The following TRERF1 variants were observed in gnomAD, a reference collection of about 807,000 sequenced individuals.
The protein encoded by TRERF1 is transcriptional-regulating factor 1.
In TRERF1, 27 loss-of-function variants were observed where a neutral mutation model predicts 122.9. The observed-to-expected ratio is 0.22, with a 90% CI of 0.16 to 0.30. TRERF1 has a LOEUF of 0.30. TRERF1 is among the 10% of genes least tolerant of loss of function. The pLI is 1.00. For missense variants in TRERF1, 1,248 were observed against 1,560.3 expected (o/e 0.80, Z 3.37); for synonymous variants, 636 against 641.7 (o/e 0.99, Z 0.13).
chr6:42,323,721 C>T (rs72857647), intron 3 of TRERF1, among the ~76,000 whole-genome samples: 3,189 of 152,244 alleles, frequency 0.021, 44 homozygotes, highest in Middle Eastern at 0.034. Context: ...CAGGAGGCAA[C>T]ATGTCTTAGC....
intron 4 of TRERF1, among the ~76,000 whole-genome samples, chr6:42,278,013 A>G (rs1445237630): frequency 6.6e-6 from 1 of 152,114 alleles, no homozygotes; most frequent in African/African-American, 2.4e-5. Context: ...CTTTGGTTCT[A>G]CTGACTCCAT....
intron 2 of TRERF1, among the ~76,000 whole-genome samples, chr6:42,437,858 G>A (rs960083954): frequency 7.2e-5 from 11 of 152,130 alleles, no homozygotes; most frequent in Admixed American, 4.6e-4. Flanking sequence ...GTTAAAGGGG[G>A]AACAGACCTA....
intron 3 of TRERF1, among the ~76,000 whole-genome samples, chr6:42,312,519 G>A (rs762011494): frequency 2.0e-5 from 3 of 152,132 alleles, no homozygotes; most frequent in Non-Finnish European, 2.9e-5. Flanking sequence ...TCTGATCCTC[G>A]GCATTCCCCT....
chr6:42,235,563 AG>A (rs1335419140), intron 16 of TRERF1, among the ~76,000 whole-genome samples: 1 of 152,232 alleles, frequency 6.6e-6, no homozygotes, highest in Non-Finnish European at 1.5e-5. Flanking sequence ...ATTCTTGAAA[AG>A]TAGTAGCCTC....
chr6:42,394,240 C>T (rs901690110), intron 2 of TRERF1, among the ~76,000 whole-genome samples: 3 of 152,056 alleles, frequency 2.0e-5, no homozygotes, highest in African/African-American at 7.2e-5. Context: ...CAAACTCCAA[C>T]TCTCCCCCCA....
intron 15 of TRERF1, among the ~76,000 whole-genome samples, chr6:42,238,735 T>C (rs930423372): frequency 4.6e-5 from 7 of 151,756 alleles, no homozygotes; most frequent in Non-Finnish European, 8.8e-5. Flanking sequence ...ATACAAATGC[T>C]CAACAACCCA....
intron 2 of TRERF1, among the ~76,000 whole-genome samples, chr6:42,409,893 G>A (rs1284838200): frequency 6.6e-6 from 1 of 152,082 alleles, no homozygotes; most frequent in East Asian, 1.9e-4. Flanking sequence ...CTACATAGGG[G>A]TAAATCCCCC....
Position 42,259,844 on chromosome 6 carries a change from AC to A in TRERF1, c.1885-122del. The A allele has an allele frequency of 1.5e-6, 2 of 1,348,542 alleles. No homozygotes were observed. The highest frequency in any genetic ancestry group is 2.0e-6 in the Non-Finnish European group (2 of 1,003,376). The allele number at this position is 1,348,542 out of a possible 1,614,324, so 83.5% of individuals were successfully genotyped here. ...GAGAGCCCTTCTGCTTGACCCCCCC[AC>A]CCCCAACGCCCCCACATTCTGACCA... is the stretch of plus-strand genomic sequence containing the variant. On this transcript the variant is annotated intron_variant, in intron 8 of 17. Transcript: ENST00000372922. The surrounding 1 kb of genome is among the most constrained non-coding windows in gnomAD (Gnocchi z 4.9).
At chr6:42,416,773 A>G (rs1014317947) in intron 2 of TRERF1, among the ~76,000 whole-genome samples, 1 of 152,146 alleles carries the variant, frequency 6.6e-6, no homozygotes, top group African/African-American at 2.4e-5. Flanking sequence ...ATTTGAAAAC[A>G]TTTACCTGTG....
intron 2 of TRERF1, among the ~76,000 whole-genome samples, chr6:42,363,281 C>T (rs918903105): frequency 7.9e-5 from 12 of 152,200 alleles, no homozygotes; most frequent in Non-Finnish European, 1.8e-4. Flanking sequence ...GAGACCAAGA[C>T]GTTCAACTTC....
At chr6:42,280,572 G>C (rs1782127252) in intron 4 of TRERF1, among the ~76,000 whole-genome samples, 1 of 152,214 alleles carries the variant, frequency 6.6e-6, no homozygotes, top group Admixed American at 6.5e-5. Context: ...TCGGGGTTCA[G>C]CCCAGCCACT....
At position 42,259,825 on chromosome 6, in the gene TRERF1, C is replaced by G; in HGVS notation, c.1885-102G>C. On this transcript the variant is annotated intron_variant, in intron 8 of 17. Transcript: ENST00000372922. The surrounding 1 kb of genome is among the most constrained non-coding windows in gnomAD (Gnocchi z 4.9). ...GCCTTCTACTGTCTAAGCAGAGAGCCCTTCTGCTTGACCCCCCCACCCCCA... is the reference window on the plus strand; with the variant it reads ...GCCTTCTACTGTCTAAGCAGAGAGCGCTTCTGCTTGACCCCCCCACCCCCA... 6.6e-7 allele frequency: 1 copy of G among 1,513,028 alleles called. No homozygotes were observed. Among genetic ancestry groups the G allele is most frequent in the Non-Finnish European group, 8.8e-7 (1 of 1,131,968 alleles). The allele number at this position is 1,513,028 out of a possible 1,614,324, so 93.7% of individuals were successfully genotyped here. A position where few individuals can be genotyped will look rare whatever the true frequency, so the allele number is the denominator to read the frequency against.
chr6:42,380,296 G>A (rs1246283775), intron 2 of TRERF1, among the ~76,000 whole-genome samples: 2 of 152,164 alleles, frequency 1.3e-5, no homozygotes, highest in Admixed American at 6.5e-5. Context: ...TTTCTCTGGG[G>A]GAGATGGAGC....
chr6:42,230,370 A>C (rs993106833), intron 17 of TRERF1, among the ~76,000 whole-genome samples: 1 of 152,140 alleles, frequency 6.6e-6, no homozygotes, highest in South Asian at 2.1e-4. Flanking sequence ...AAAAAAAAAA[A>C]CATTTAATAG....
chr6:42,439,715 C>T (rs1225519392), intron 2 of TRERF1, among the ~76,000 whole-genome samples: 1 of 152,174 alleles, frequency 6.6e-6, no homozygotes. Flanking sequence ...CCAAATCTGC[C>T]CCTGCCTTGT....
At chr6:42,437,060 T>C (rs1474871432) in intron 2 of TRERF1, among the ~76,000 whole-genome samples, 2 of 152,018 alleles carry the variant, frequency 1.3e-5, no homozygotes, top group African/African-American at 4.8e-5. Context: ...TCATCTTGCT[T>C]AGCAAGTGTG....
chr6:42,391,576 C>T (rs1329717460), intron 2 of TRERF1, among the ~76,000 whole-genome samples: 1 of 152,126 alleles, frequency 6.6e-6, no homozygotes, highest in Non-Finnish European at 1.5e-5. Flanking sequence ...ACCCACCACC[C>T]CCATGCCTTC....
chr6:42,312,626 G>T (rs1314767317), intron 3 of TRERF1, among the ~76,000 whole-genome samples: 2 of 152,204 alleles, frequency 1.3e-5, no homozygotes, highest in Non-Finnish European at 2.9e-5. Context: ...CTGGGCATCT[G>T]CACCTTCGGG....
At chr6:42,325,141 G>A (rs1022666952) in intron 3 of TRERF1, among the ~76,000 whole-genome samples, 4 of 152,060 alleles carry the variant, frequency 2.6e-5, no homozygotes, top group African/African-American at 9.7e-5. Context: ...TGGCCAAAAA[G>A]CATATGAAAA....
Sources: allele counts gnomAD v4.1 joint callset (sites outside exome capture counted in the v4.1 genomes callset), GRCh38; gene constraint gnomAD v4.1.1; non-coding constraint Gnocchi (gnomAD v3.1); transcripts MANE v1.5; gene names NCBI Gene and HGNC (gene_info 2026-07-23, HGNC 2026-07-21).